The following SAMD5 variants were observed in gnomAD, a reference collection of about 807,000 sequenced individuals.
SAMD5 encodes sterile alpha motif domain containing 5, also known as sterile alpha motif domain-containing protein 5.
Under a neutral mutation model 11.3 loss-of-function variants are expected in SAMD5, and 13 were observed. The observed-to-expected ratio is 1.15, with a 90% CI of 0.75 to 1.83. SAMD5 has a LOEUF of 1.83. SAMD5 is among the 40% of genes most tolerant of loss of function. The probability of loss-of-function intolerance (pLI) is 0.00; values close to 1 mark genes in which losing one functional copy is unlikely to be tolerated. For synonymous variants in SAMD5, 129 were observed against 111.3 expected, an observed-to-expected ratio of 1.16 and a Z score of -1.00; for missense variants, 255 against 239.1, an observed-to-expected ratio of 1.07 and a Z score of -0.44.
chr6:147,905,180 G>A, the SAMD5 span, among the ~76,000 whole-genome samples: 9 of 149,116 alleles, frequency 6.0e-5, no homozygotes, highest in Admixed American at 1.3e-4. Context: ...GAGCCACTGC[G>A]CCCGGCCTTT....
At chr6:147,736,101 G>A (rs1791799462) in intron 1 of SAMD5, among the ~76,000 whole-genome samples, 1 of 152,126 alleles carries the variant, frequency 6.6e-6, no homozygotes, top group Non-Finnish European at 1.5e-5. Flanking sequence ...TCCAAATCTA[G>A]GCTGTGCCAC....
the SAMD5 span, among the ~76,000 whole-genome samples, chr6:147,877,482 A>T: frequency 6.6e-6 from 1 of 152,166 alleles, no homozygotes; most frequent in South Asian, 2.1e-4. Context: ...ACAATGTCAA[A>T]ATGTATTTGA....
the SAMD5 span, among the ~76,000 whole-genome samples, chr6:147,954,371 A>G: frequency 6.6e-6 from 1 of 152,238 alleles, no homozygotes; most frequent in Non-Finnish European, 1.5e-5. Context: ...TGGACCACAT[A>G]TAGGATAGCG....
chr6:147,854,589 T>C, the SAMD5 span, among the ~76,000 whole-genome samples: 1 of 152,336 alleles, frequency 6.6e-6, no homozygotes, highest in Non-Finnish European at 1.5e-5. Context: ...CATCGCTTCC[T>C]GTACTCGATT....
the SAMD5 span, among the ~76,000 whole-genome samples, chr6:147,811,121 G>A: frequency 2.0e-5 from 3 of 152,112 alleles, no homozygotes; most frequent in South Asian, 2.1e-4. Flanking sequence ...TACAATGTTC[G>A]GCATATAGTA....
the SAMD5 span, among the ~76,000 whole-genome samples, chr6:147,820,655 C>T: frequency 3.9e-5 from 6 of 152,286 alleles, no homozygotes; most frequent in East Asian, 1.2e-3. Flanking sequence ...TGTACAAAAC[C>T]AATTTCCATG....
intron 1 of SAMD5, among the ~76,000 whole-genome samples, chr6:147,512,942 C>T (rs533296278): frequency 4.6e-5 from 7 of 152,298 alleles, no homozygotes; most frequent in African/African-American, 1.7e-4. Flanking sequence ...GGCACCATCT[C>T]AGTTTTTCCA....
intron 1 of SAMD5, among the ~76,000 whole-genome samples, chr6:147,715,217 C>T (rs145201354): frequency 1.4e-3 from 220 of 152,286 alleles, no homozygotes; most frequent in African/African-American, 5.1e-3. Context: ...TCTCTCAGCT[C>T]GTGCTATTGG....
chr6:147,629,131 A>C (rs1311014673), intron 1 of SAMD5, among the ~76,000 whole-genome samples: 1 of 151,466 alleles, frequency 6.6e-6, no homozygotes, highest in East Asian at 1.9e-4. Context: ...TCTCTACTAA[A>C]AATACAGAAA....
intron 1 of SAMD5, among the ~76,000 whole-genome samples, chr6:147,722,984 G>A (rs974926713): frequency 7.9e-5 from 12 of 151,642 alleles, no homozygotes; most frequent in African/African-American, 2.2e-4. Flanking sequence ...CTGGGAAGCT[G>A]AAGGCTATTT....
chr6:147,533,462 CAAAAAAAA>C (rs57455955), intron 1 of SAMD5, among the ~76,000 whole-genome samples: 2 of 89,508 alleles, frequency 2.2e-5, no homozygotes, highest in African/African-American at 7.4e-5. Context: ...AATTCCATCT[CAAAAAAAA>C]AAAAAAAAAA....
intron 1 of SAMD5, 131 bp downstream of exon 1, chr6:147,509,518 C>T: frequency 1.4e-6 from 1 of 709,114 alleles, no homozygotes; most frequent in Non-Finnish European, 2.2e-6. Flanking sequence ...TATCTGGGAC[C>T]CTTTTCTATG....
chr6:147,541,460 G>A (rs747273009), intron 1 of SAMD5, among the ~76,000 whole-genome samples: 4 of 152,114 alleles, frequency 2.6e-5, no homozygotes, highest in Non-Finnish European at 5.9e-5. Flanking sequence ...TTTCCCGTTG[G>A]TCCCTGTTGT....
At chr6:147,790,098 A>G in the SAMD5 span, among the ~76,000 whole-genome samples, 1 of 152,186 alleles carries the variant, frequency 6.6e-6, no homozygotes, top group African/African-American at 2.4e-5. Context: ...TGATCTGAAA[A>G]CCTAAATCCA....
chr6:147,804,099 T>C, the SAMD5 span, among the ~76,000 whole-genome samples: 2 of 150,638 alleles, frequency 1.3e-5, no homozygotes, highest in African/African-American at 2.4e-5. Context: ...TTTTTTCTTA[T>C]TTTGAAGATA....
intron 1 of SAMD5, among the ~76,000 whole-genome samples, chr6:147,609,570 G>A (rs1022350159): frequency 1.3e-5 from 2 of 151,998 alleles, no homozygotes; most frequent in Non-Finnish European, 2.9e-5. Context: ...TTTTCTTTGA[G>A]ACGGAATCTC....
At chr6:147,712,137 C>T (rs1273350819) in intron 1 of SAMD5, among the ~76,000 whole-genome samples, 3 of 152,046 alleles carry the variant, frequency 2.0e-5, no homozygotes, top group East Asian at 3.9e-4. Context: ...AGCTAAAGCA[C>T]AATACTATCT....
At position 147,562,649 on chromosome 6, in the gene SAMD5, C is replaced by T. The variant is rs922614949; in HGVS notation, c.460-1745C>T. On this transcript the variant is annotated intron_variant, in intron 1 of 1. Transcript: ENST00000367474. The stretch of plus-strand genomic sequence containing the variant: ...CATCCTGGCTAACACGGTGAAACTC[C>T]GTCTCTACTAAAAATACAAAAAATT... 3.3e-5 allele frequency among the ~76,000 whole-genome samples: 5 copies of T among 152,144 alleles called. No homozygotes were observed. The East Asian group carries it at 9.7e-4, about 29-fold the overall frequency.
the SAMD5 span, among the ~76,000 whole-genome samples, chr6:147,762,517 TC>T: frequency 1.5e-4 from 2 of 13,000 alleles, no homozygotes; most frequent in African/African-American, 4.2e-4. Context: ...ATTACTGTAC[TC>T]TTTTATGTTG....
Sources: allele counts gnomAD v4.1 joint callset (sites outside exome capture counted in the v4.1 genomes callset), GRCh38; gene constraint gnomAD v4.1.1; transcripts MANE v1.5; gene names NCBI Gene and HGNC (gene_info 2026-07-23, HGNC 2026-07-21).